The following MICALL1 variants were observed in gnomAD, a reference collection of about 807,000 sequenced individuals.
The protein encoded by MICALL1 is MICAL-like protein 1.
MICALL1 carries 61 observed loss-of-function variants against 83.7 expected under a neutral mutation model. That is an observed-to-expected ratio of 0.73 (90% CI 0.59 to 0.90). The LOEUF is 0.90. Ranked by LOEUF, MICALL1 falls within the 40% of genes least tolerant of loss-of-function variation. MICALL1 has a pLI of 0.00. For missense variants in MICALL1, 1,066 were observed against 1,152.0 expected (o/e 0.93, Z 1.08); for synonymous variants, 481 against 473.6 (o/e 1.02, Z -0.20).
At chr22:37,937,245 G>GACCT in intron 14 of MICALL1, 51 bp downstream of exon 14, 4 of 1,434,200 alleles carry the variant, frequency 2.8e-6, no homozygotes, top group Non-Finnish European at 3.8e-6. Flanking sequence ...GAGCAGGTCA[G>GACCT]GCTCTGGGCC....
At chr22:37,914,114 G>A (rs1048893556) in intron 3 of MICALL1, among the ~76,000 whole-genome samples, 1 of 151,726 alleles carries the variant, frequency 6.6e-6, no homozygotes, top group Non-Finnish European at 1.5e-5. Context: ...GACCTCAGGC[G>A]ATCCACCTGC....
intron 15 of MICALL1, among the ~76,000 whole-genome samples, chr22:37,940,385 T>C (rs1930370562): frequency 6.6e-6 from 1 of 151,878 alleles, no homozygotes; most frequent in South Asian, 2.1e-4. Flanking sequence ...ATCGCGTCAT[T>C]GCACTCCAGC....
At chr22:37,911,210 C>G (rs1377541668) in intron 1 of MICALL1, among the ~76,000 whole-genome samples, 3 of 152,260 alleles carry the variant, frequency 2.0e-5, no homozygotes, top group Non-Finnish European at 2.9e-5. Flanking sequence ...CCAATGGAGG[C>G]TGCCCCAGGA....
At chr22:37,916,477 G>C (rs60089960) in intron 3 of MICALL1, among the ~76,000 whole-genome samples, 2 of 152,184 alleles carry the variant, frequency 1.3e-5, no homozygotes, top group African/African-American at 4.8e-5. Context: ...CTGGCTGTTC[G>C]ACTCCCCCAG....
chr22:37,920,550 G>A (rs1928963634), intron 5 of MICALL1, among the ~76,000 whole-genome samples: 2 of 151,984 alleles, frequency 1.3e-5, no homozygotes, highest in Non-Finnish European at 2.9e-5. Flanking sequence ...GCTGAGGCTG[G>A]AGGATCGCTT....
intron 9 of MICALL1, among the ~76,000 whole-genome samples, chr22:37,929,889 C>T (rs1263883793): frequency 6.6e-6 from 1 of 152,228 alleles, no homozygotes; most frequent in African/African-American, 2.4e-5. Flanking sequence ...CCTCAGGCAT[C>T]GTTGAACCTT....
In MICALL1 at chr22:37,917,841, C is replaced by T. The variant is rs185688732; in HGVS notation, c.426+46C>T. The T allele has an allele frequency of 8.2e-5, 125 of 1,530,502 alleles. No homozygotes were observed. The highest frequency in any genetic ancestry group is 1.1e-4 in the East Asian group (5 of 44,282). 94.8% of individuals were successfully genotyped at this position (1,530,502 alleles called of 1,614,324 possible). A position where few individuals can be genotyped will look rare whatever the true frequency, so the allele number is the denominator to read the frequency against. On this transcript the variant is annotated intron_variant, in intron 4 of 15. Transcript: ENST00000215957. Reference sequence around the variant, plus strand: ...GTGGGAGGGCCAGGGGTGGAGGGGGCGAGTTATGTGGACGACTATCATTGC... The same window carrying T: ...GTGGGAGGGCCAGGGGTGGAGGGGGTGAGTTATGTGGACGACTATCATTGC...
intron 1 of MICALL1, among the ~76,000 whole-genome samples, chr22:37,908,197 T>C (rs1928089929): frequency 6.6e-6 from 1 of 152,092 alleles, no homozygotes; most frequent in Non-Finnish European, 1.5e-5. Flanking sequence ...GAGGTGGGAT[T>C]GATAATGTGA....
intron 1 of MICALL1, among the ~76,000 whole-genome samples, chr22:37,911,577 C>T (rs530580187): frequency 6.6e-6 from 1 of 152,340 alleles, no homozygotes; most frequent in South Asian, 2.1e-4. Context: ...TGGGGGAGGT[C>T]ACATGCGGGT....
In MICALL1 at chr22:37,924,557, G is replaced by A; in HGVS notation, c.1025-103G>A. ...CTGGGGAGGTGCGAGGGTGCCAGGAGGAAGGCGGGGCGCTCCTGGGGAGGC... is the reference window on the plus strand; with the variant it reads ...CTGGGGAGGTGCGAGGGTGCCAGGAAGAAGGCGGGGCGCTCCTGGGGAGGC... On this transcript the variant is annotated intron_variant, in intron 6 of 15. Coordinates refer to ENST00000215957, the MANE Select transcript of MICALL1 (RefSeq NM_033386.4). The surrounding 1 kb of genome is among the most constrained non-coding windows in gnomAD (Gnocchi z 5.2). 1 of 1,142,860 alleles carries A rather than the reference G, an allele frequency of 8.7e-7. No homozygotes were observed. The highest frequency in any genetic ancestry group is 2.5e-5 in the East Asian group (1 of 39,560). The allele number at this position is 1,142,860 out of a possible 1,614,324, so 70.8% of individuals were successfully genotyped here. A position where few individuals can be genotyped will look rare whatever the true frequency, so the allele number is the denominator to read the frequency against.
At chr22:37,917,686 C>T in intron 3 of MICALL1, 21 bp from the exon 4 acceptor site, 1 of 1,612,024 alleles carries the variant, frequency 6.2e-7, no homozygotes, top group Non-Finnish European at 8.5e-7. Context: ...GCTTCAGGAC[C>T]CCTTTCTCAT....
chr22:37,922,405 G>GGCA lies in MICALL1; in HGVS notation c.1012_1014dup (p.Ser338dup), dbSNP rs1569141318. The GGCA allele has an allele frequency of 6.5e-7, 1 of 1,532,186 alleles. No individual in the cohort carries two copies. The highest frequency in any genetic ancestry group is 1.4e-5 in the African/African-American group (1 of 72,708). The allele number at this position is 1,532,186 out of a possible 1,614,324, so 94.9% of individuals were successfully genotyped here. A position where few individuals can be genotyped will look rare whatever the true frequency, so the allele number is the denominator to read the frequency against. ...GCAGGAGAACCTGGTGGAGCAGGCT[G>GGCA]GCAGCAGCAGCCTGGTGAACGGTGA... On this transcript the variant is annotated inframe_insertion, in exon 6 of 16. Transcript: ENST00000215957.
At chr22:37,929,519 G>A (rs1476906265) in intron 9 of MICALL1, among the ~76,000 whole-genome samples, 1 of 152,192 alleles carries the variant, frequency 6.6e-6, no homozygotes, top group African/African-American at 2.4e-5. Context: ...ACCGAGGAGA[G>A]CAGACGTGGC....
intron 1 of MICALL1, among the ~76,000 whole-genome samples, chr22:37,911,607 C>T (rs1324576556): frequency 6.6e-6 from 1 of 152,214 alleles, no homozygotes; most frequent in Non-Finnish European, 1.5e-5. Context: ...GTCTTTGCCA[C>T]GGACTCCAGG....
At chr22:37,909,250 C>T (rs1928160747) in intron 1 of MICALL1, among the ~76,000 whole-genome samples, 1 of 151,658 alleles carries the variant, frequency 6.6e-6, no homozygotes, top group Non-Finnish European at 1.5e-5. Context: ...GATGGGGTTT[C>T]ACCATGTTGG....
intron 8 of MICALL1, 146 bp from the exon 9 acceptor site, chr22:37,927,265 G>C: frequency 1.0e-6 from 1 of 972,358 alleles, no homozygotes; most frequent in Non-Finnish European, 1.4e-6. Context: ...GGCGTTTGCT[G>C]TTCCCTGGGC....
chr22:37,934,604 AT>A (rs886532167), intron 13 of MICALL1, among the ~76,000 whole-genome samples: 19 of 145,356 alleles, frequency 1.3e-4, no homozygotes, highest in Admixed American at 1.4e-4. Flanking sequence ...TATTATTATT[AT>A]TTTTTTTTTG....
At chr22:37,934,022 T>C (rs1929945442) in intron 13 of MICALL1, among the ~76,000 whole-genome samples, 1 of 152,192 alleles carries the variant, frequency 6.6e-6, no homozygotes, top group Admixed American at 6.5e-5. Context: ...TCCACTGCCT[T>C]GTGTGAGTCA....
chr22:37,935,919 G>A (rs1280523434), intron 13 of MICALL1, among the ~76,000 whole-genome samples: 1 of 151,728 alleles, frequency 6.6e-6, no homozygotes, highest in Admixed American at 6.6e-5. Flanking sequence ...TAGTAGAGAC[G>A]AGGTTTCACC....
Sources: allele counts gnomAD v4.1 joint callset (sites outside exome capture counted in the v4.1 genomes callset), GRCh38; gene constraint gnomAD v4.1.1; non-coding constraint Gnocchi (gnomAD v3.1); transcripts MANE v1.5; gene names NCBI Gene and HGNC (gene_info 2026-07-23, HGNC 2026-07-21).